FILIP1L: variants seen among roughly 807,000 people sequenced by gnomAD.
The protein encoded by FILIP1L is filamin A interacting protein 1 like, also known as filamin A-interacting protein 1-like.
A neutral mutation model predicts 96.6 loss-of-function variants in FILIP1L; 55 were observed. The observed-to-expected ratio is 0.57, with a 90% CI of 0.46 to 0.71. The LOEUF (loss-of-function observed/expected upper bound fraction) is 0.71. Ranked by LOEUF, FILIP1L falls within the 30% of genes least tolerant of loss-of-function variation. The probability of loss-of-function intolerance (pLI) is 0.00; values close to 1 mark genes in which losing one functional copy is unlikely to be tolerated. For synonymous variants in FILIP1L, 467 were observed against 473.9 expected (o/e 0.99, Z 0.19); for missense variants, 1,304 against 1,321.2 (o/e 0.99, Z 0.20).
At position 100,051,024 on chromosome 3, in the gene FILIP1L, AC is replaced by A. The variant is rs572864925; in HGVS notation, c.-11+63028del. On this transcript the variant is annotated intron_variant, in intron 1 of 5. Transcript: ENST00000477258. ...AGTTTCTTCTTGCAAACAATCTTAT[AC>A]CCACCTTCAATAGAGAAATCACATA... 1.1e-4 allele frequency among the ~76,000 whole-genome samples: 17 copies of A among 152,214 alleles called. 1 individual carries two copies. The East Asian group carries it at 3.1e-3, about 28-fold the overall frequency.
chr3:99,850,873 T>G lies in FILIP1L; in HGVS notation c.803A>C (p.Lys268Thr). Reference protein sequence around the residue: ...QKIQELTTNAKETHTKLALAE... With the variant: ...QKIQELTTNATETHTKLALAE... ...AAGGGCTAGTTTGGTATGTGTTTCC[T>G]TTGCATTTGTGGTCAGCTCTTGGAT... The change falls in exon 5 of 6, where the codon AAG (lysine) becomes ACG (threonine). Residue 268 changes from lysine (K) to threonine (T), a missense_variant. Transcript: ENST00000477258. The G allele has an allele frequency of 6.2e-7, 1 of 1,614,092 alleles. No homozygotes were observed. Among genetic ancestry groups the G allele is most frequent in the East Asian group, 2.2e-5 (1 of 44,888 alleles).
In FILIP1L at chr3:100,102,737, T is replaced by C. The variant is rs183000811; in HGVS notation, c.-11+11316A>G. On this transcript the variant is annotated intron_variant, in intron 1 of 5. Coordinates refer to ENST00000477258, the MANE Select transcript of FILIP1L (RefSeq NM_001387850.1). ...GACACTGTGCTTCCTCTGGGTTTGT[T>C]CATTTACTTGGCTATGAAAGACAAT... Among the ~76,000 whole-genome samples, 12 of 152,342 alleles carry C rather than the reference T, an allele frequency of 7.9e-5. No homozygotes were observed. The East Asian group carries it at 1.9e-3, about 24-fold the overall frequency.
At chr3:99,994,717 G>A (rs1032515563) in intron 1 of FILIP1L, among the ~76,000 whole-genome samples, 1 of 152,152 alleles carries the variant, frequency 6.6e-6, no homozygotes, top group Non-Finnish European at 1.5e-5. Flanking sequence ...CCACGTGGCT[G>A]GGGAGGCCTC....
At chr3:100,026,419 G>A (rs1364992053) in intron 1 of FILIP1L, among the ~76,000 whole-genome samples, 2 of 152,152 alleles carry the variant, frequency 1.3e-5, no homozygotes, top group East Asian at 3.9e-4. Context: ...GAACCAAAGG[G>A]CCAGTGTCTT....
At chr3:100,063,932 C>A (rs1051147628) in intron 1 of FILIP1L, among the ~76,000 whole-genome samples, 1 of 152,218 alleles carries the variant, frequency 6.6e-6, no homozygotes, top group Admixed American at 6.5e-5. Flanking sequence ...TACCCCAAGA[C>A]TGTCAGGAGT....
chr3:100,028,413 C>G (rs2064965755), intron 1 of FILIP1L, among the ~76,000 whole-genome samples: 1 of 152,148 alleles, frequency 6.6e-6, no homozygotes, highest in Non-Finnish European at 1.5e-5. Flanking sequence ...CAGGCAACAG[C>G]TGGTGGTTGT....
intron 1 of FILIP1L, among the ~76,000 whole-genome samples, chr3:100,042,020 A>G (rs6807176): frequency 0.21 from 32,427 of 152,040 alleles, 3,591 homozygotes; most frequent in South Asian, 0.26. Context: ...TTTATTTCAT[A>G]TATGCCCCCT....
chr3:100,109,087 TAA>T (rs5851196), intron 1 of FILIP1L, among the ~76,000 whole-genome samples: 2,204 of 144,778 alleles, frequency 0.015, 25 homozygotes, highest in African/African-American at 0.033. Flanking sequence ...AACTGTCTCT[TAA>T]AAAAAAAAAA....
intron 1 of FILIP1L, chr3:100,023,211 C>T (rs965156245): frequency 6.6e-6 from 1 of 152,276 alleles, no homozygotes; most frequent in Non-Finnish European, 1.5e-5. Context: ...AATGCAGTAA[C>T]CCTTACAGAG....
chr3:100,054,171 C>G (rs936556633), intron 1 of FILIP1L, among the ~76,000 whole-genome samples: 3 of 152,178 alleles, frequency 2.0e-5, no homozygotes, highest in Non-Finnish European at 4.4e-5. Context: ...ACCAAAGTTG[C>G]CATTGTACTG....
chr3:99,967,878 TG>T (rs1181106381), intron 1 of FILIP1L, among the ~76,000 whole-genome samples: 1 of 152,178 alleles, frequency 6.6e-6, no homozygotes, highest in Non-Finnish European at 1.5e-5. Context: ...AAAGTTAACC[TG>T]GTATTAGCAA....
At chr3:100,065,309 G>A (rs899321551) in intron 1 of FILIP1L, among the ~76,000 whole-genome samples, 4 of 152,086 alleles carry the variant, frequency 2.6e-5, no homozygotes, top group Admixed American at 2.0e-4. Context: ...GAGAACCATT[G>A]CTCTAAATTG....
At chr3:99,991,600 CT>C (rs1400349054) in intron 1 of FILIP1L, among the ~76,000 whole-genome samples, 1 of 151,980 alleles carries the variant, frequency 6.6e-6, no homozygotes, top group African/African-American at 2.4e-5. Context: ...CCTCACCCCC[CT>C]GCCACCTTCC....
Position 99,924,330 on chromosome 3 carries a change from T to C in FILIP1L, c.505A>G (p.Arg169Gly). ...GQLLVAEKSR[R>G]QTILELEEEK... ...TCCTCCAACTCCAATATGGTTTGCC[T>C]ACGGGATTTTTCTGCCACTAAAAGC... Residue 169 changes from arginine (R) to glycine (G), a missense_variant, in exon 4 of 6, where the codon AGG (arginine) becomes GGG (glycine). By Grantham distance (125) the Arg-to-Gly change is moderately radical (BLOSUM62 -2). Coordinates refer to ENST00000477258, the MANE Select transcript of FILIP1L (RefSeq NM_001387850.1). 2.5e-6 allele frequency: 4 copies of C among 1,614,096 alleles called. No individual in the cohort carries two copies. Among genetic ancestry groups the C allele is most frequent in the Non-Finnish European group, 3.4e-6 (4 of 1,179,968 alleles).
chr3:100,025,685 CAG>C (rs960812554), intron 1 of FILIP1L: 5 of 152,172 alleles, frequency 3.3e-5, no homozygotes, highest in African/African-American at 4.8e-5. Context: ...AGGTCGTCCA[CAG>C]AGACATTGTT....
At chr3:99,942,375 A>G (rs1004783579) in intron 1 of FILIP1L, among the ~76,000 whole-genome samples, 5 of 152,130 alleles carry the variant, frequency 3.3e-5, no homozygotes, top group Non-Finnish European at 7.4e-5. Flanking sequence ...ATGGCAGGGG[A>G]TAGAGGTGAA....
At chr3:99,960,044 G>T (rs1321091722) in intron 1 of FILIP1L, among the ~76,000 whole-genome samples, 1 of 152,004 alleles carries the variant, frequency 6.6e-6, no homozygotes, top group African/African-American at 2.4e-5. Context: ...TTTATAAATT[G>T]TCTAAAGTGT....
chr3:99,990,917 G>A (rs964980376), intron 1 of FILIP1L, among the ~76,000 whole-genome samples: 3 of 152,062 alleles, frequency 2.0e-5, no homozygotes, highest in Non-Finnish European at 4.4e-5. Context: ...AAAGCATAAA[G>A]TCTGCCCCTT....
chr3:99,946,313 A>G (rs1708006005), intron 1 of FILIP1L, among the ~76,000 whole-genome samples: 1 of 152,240 alleles, frequency 6.6e-6, no homozygotes, highest in Non-Finnish European at 1.5e-5. Context: ...CACTCAGTCA[A>G]TGAATAGAAA....
Sources: gnomAD v4.1 joint callset for allele counts (sites outside exome capture counted in the v4.1 genomes callset) on GRCh38, gnomAD v4.1.1 for gene constraint, MANE v1.5 for transcripts, NCBI Gene and HGNC (gene_info 2026-07-23, HGNC 2026-07-21) for gene names.